Variants in TMEM135 observed in about 807,000 individuals in gnomAD.
The protein encoded by TMEM135 is peroxisomal membrane protein 52.
Under a neutral mutation model 60.3 loss-of-function variants are expected in TMEM135, and 30 were observed. The observed-to-expected ratio is 0.50, with a 90% CI of 0.37 to 0.68. The LOEUF (loss-of-function observed/expected upper bound fraction) is 0.68. Among genes scored for constraint, TMEM135 ranks in the 30% least tolerant of loss-of-function variants. TMEM135 has a pLI of 0.00. For synonymous variants in TMEM135, 190 were observed against 186.7 expected, an observed-to-expected ratio of 1.02 and a Z score of -0.14; for missense variants, 468 against 548.8, an observed-to-expected ratio of 0.85 and a Z score of 1.47.
At position 87,165,743 on chromosome 11, in the gene TMEM135, A is replaced by G. The variant is rs1939021361; in HGVS notation, c.462+8337A>G. 1.3e-5 allele frequency among the ~76,000 whole-genome samples: 2 copies of G among 151,356 alleles called. 1 individual carries two copies. The highest frequency in any genetic ancestry group is 4.9e-5 in the African/African-American group (2 of 40,834). ...GAAGGCAAGAAATAACTAAAATCAGAGCAGAACTGAAGGAAATAGAGACAC... is the reference window on the plus strand; with the variant it reads ...GAAGGCAAGAAATAACTAAAATCAGGGCAGAACTGAAGGAAATAGAGACAC... On this transcript the variant is annotated intron_variant, in intron 5 of 14. Transcript: ENST00000305494.
chr11:87,209,686 A>G (rs184168220), intron 5 of TMEM135, among the ~76,000 whole-genome samples: 56 of 152,202 alleles, frequency 3.7e-4, no homozygotes, highest in Admixed American at 1.4e-3. Context: ...GACCAGTTGT[A>G]CCCCATAGAG....
At chr11:87,254,594 T>C (rs1400383652) in intron 6 of TMEM135, among the ~76,000 whole-genome samples, 1 of 152,242 alleles carries the variant, frequency 6.6e-6, no homozygotes, top group Non-Finnish European at 1.5e-5. Context: ...ATTCAACCTA[T>C]AAATGAATCT....
In TMEM135 at chr11:87,087,061, G is replaced by A. The variant is rs116703333; in HGVS notation, c.363-4301G>A. ...ATCTAAGGGTCCCCAGTAAAAGGGA[G>A]CCATCATTTGAGGCTCCGGTTGCAT... On this transcript the variant is annotated intron_variant, in intron 3 of 14. Transcript: ENST00000305494. Among the ~76,000 whole-genome samples the A allele has an allele frequency of 5.0e-3, 756 of 152,282 alleles. 6 individuals are homozygous for A. The highest frequency in any genetic ancestry group is 0.017 in the African/African-American group (701 of 41,550).
intron 5 of TMEM135, among the ~76,000 whole-genome samples, chr11:87,223,189 G>A (rs1405331959): frequency 6.8e-6 from 1 of 148,060 alleles, no homozygotes; most frequent in African/African-American, 2.5e-5. Flanking sequence ...TTCTGAGATG[G>A]AGTCTCGCAC....
rs1409916186 is a variant in TMEM135, at chr11:87,097,963, T to G, written c.396+6568T>G. Among the ~76,000 whole-genome samples the G allele has an allele frequency of 1.3e-5, 2 of 152,192 alleles. 1 individual carries two copies. The highest frequency in any genetic ancestry group is 4.1e-4 in the South Asian group (2 of 4,826). ...TCTAACATGTATCTTTTTTGCTTAT[T>G]ATTTTATTGTCTGTCTTCCCACCTT... On this transcript the variant is annotated intron_variant, in intron 4 of 14. Transcript: ENST00000305494.
intron 6 of TMEM135, among the ~76,000 whole-genome samples, chr11:87,274,468 A>G (rs1002857294): frequency 6.6e-6 from 1 of 152,274 alleles, no homozygotes; most frequent in East Asian, 1.9e-4. Flanking sequence ...GCGTTCTACT[A>G]GTACATTCCT....
At chr11:87,223,568 A>T (rs1940694521) in intron 5 of TMEM135, among the ~76,000 whole-genome samples, 1 of 152,028 alleles carries the variant, frequency 6.6e-6, no homozygotes, top group South Asian at 2.1e-4. Context: ...AAAAACCCCA[A>T]AAAGTCTGGG....
At chr11:87,228,421 A>G (rs567791455) in intron 5 of TMEM135, among the ~76,000 whole-genome samples, 9 of 152,274 alleles carry the variant, frequency 5.9e-5, no homozygotes, top group African/African-American at 2.2e-4. Flanking sequence ...TTTTTGTTGA[A>G]TGGATAGGTA....
intron 6 of TMEM135, among the ~76,000 whole-genome samples, chr11:87,253,481 C>T (rs977939441): frequency 1.3e-5 from 2 of 151,810 alleles, no homozygotes; most frequent in African/African-American, 2.4e-5. Context: ...ATGACATTCA[C>T]ATGTTTTTAA....
intron 6 of TMEM135, among the ~76,000 whole-genome samples, chr11:87,249,321 G>T (rs189903372): frequency 6.6e-5 from 10 of 152,170 alleles, no homozygotes; most frequent in African/African-American, 2.2e-4. Flanking sequence ...ATTTTGTTAA[G>T]TGCTTTTCCA....
intron 4 of TMEM135, among the ~76,000 whole-genome samples, chr11:87,142,325 C>T (rs754919409): frequency 2.0e-5 from 3 of 152,094 alleles, no homozygotes; most frequent in Non-Finnish European, 4.4e-5. Flanking sequence ...AGGAGAGCCT[C>T]GCTTGAGGGC....
At chr11:87,175,884 G>A (rs919241933) in intron 5 of TMEM135, among the ~76,000 whole-genome samples, 1 of 150,484 alleles carries the variant, frequency 6.6e-6, no homozygotes, top group Non-Finnish European at 1.5e-5. Flanking sequence ...TTTCTTTGTA[G>A]AAACATACCA....
At chr11:87,222,325 T>G (rs1341797059) in intron 5 of TMEM135, among the ~76,000 whole-genome samples, 1 of 140,634 alleles carries the variant, frequency 7.1e-6, no homozygotes, top group Non-Finnish European at 1.5e-5. Context: ...TGAAACCCCG[T>G]CTCTACTAAA....
At position 87,166,109 on chromosome 11, in the gene TMEM135, A is replaced by G. The variant is rs149654012; in HGVS notation, c.462+8703A>G. ...TGTGGCAATAATCAATAGCTTACCA[A>G]CCAAATGTCTTCTTTTGAGAAGTGT... On this transcript the variant is annotated intron_variant, in intron 5 of 14. Coordinates refer to ENST00000305494, the MANE Select transcript of TMEM135 (RefSeq NM_022918.4). 2.9e-3 allele frequency among the ~76,000 whole-genome samples: 440 copies of G among 151,590 alleles called. 8 individuals are homozygous for G. In the South Asian group the frequency reaches 0.035, roughly 12 times the overall value.
chr11:87,090,566 A>G (rs1451443135), intron 3 of TMEM135, among the ~76,000 whole-genome samples: 1 of 152,142 alleles, frequency 6.6e-6, no homozygotes, highest in Non-Finnish European at 1.5e-5. Flanking sequence ...AAAGGAAACT[A>G]AAATAAGTTT....
In TMEM135 at chr11:87,283,845, G is replaced by A. The variant is rs906987084; in HGVS notation, c.510-11937G>A. ...TGCACTCCAGCCTGGGTGACAGAGC[G>A]AGACTCCATCTCAAAAAATAAAAAA... On this transcript the variant is annotated intron_variant, in intron 6 of 14. Coordinates refer to ENST00000305494, the MANE Select transcript of TMEM135 (RefSeq NM_022918.4). 7.2e-5 allele frequency among the ~76,000 whole-genome samples: 11 copies of A among 152,132 alleles called. No homozygotes were observed. The South Asian group carries it at 8.3e-4, about 11-fold the overall frequency.
chr11:87,097,748 G>C (rs1029852462), intron 4 of TMEM135, among the ~76,000 whole-genome samples: 1 of 152,186 alleles, frequency 6.6e-6, no homozygotes, highest in Non-Finnish European at 1.5e-5. Context: ...GATACTTGCT[G>C]TTCGCTCTGT....
intron 6 of TMEM135, among the ~76,000 whole-genome samples, chr11:87,264,890 T>C (rs2135404907): frequency 6.6e-6 from 1 of 152,076 alleles, no homozygotes; most frequent in East Asian, 1.9e-4. Context: ...TTGTGTGTTA[T>C]TTTAAAGCTG....
rs954794956 is a variant in TMEM135 at position 87,325,530 on chromosome 11, C to G, written c.*4197C>G. 1 of 453,916 alleles carries G rather than the reference C, an allele frequency of 2.2e-6. No individual in the cohort carries two copies. The highest frequency in any genetic ancestry group is 4.4e-6 in the Non-Finnish European group (1 of 226,742). The allele number at this position is 453,916 out of a possible 1,614,324, so 28.1% of individuals were successfully genotyped here. On this transcript the variant is annotated 3_prime_UTR_variant, in exon 15 of 15. Coordinates refer to ENST00000305494, the MANE Select transcript of TMEM135 (RefSeq NM_022918.4). ...TCTCTCTCTCTCTCTGTCTGTCTCT[C>G]TTGCTGCTCCCTCTCCCTGCCACCT... is the stretch of plus-strand genomic sequence containing the variant.
Sources: allele counts gnomAD v4.1 joint callset (sites outside exome capture counted in the v4.1 genomes callset), GRCh38; gene constraint gnomAD v4.1.1; transcripts MANE v1.5; gene names NCBI Gene and HGNC (gene_info 2026-07-23, HGNC 2026-07-21).